TRPM3: variants seen among roughly 807,000 people sequenced by gnomAD.
TRPM3 encodes long transient receptor potential channel 3.
Under a neutral mutation model 181.2 loss-of-function variants are expected in TRPM3, and 77 were observed. That is an observed-to-expected ratio of 0.42 (90% CI 0.35 to 0.51). TRPM3 has a LOEUF of 0.51. TRPM3 is among the 20% of genes least tolerant of loss of function. The probability of loss-of-function intolerance (pLI) is 0.01; values close to 1 mark genes in which losing one functional copy is unlikely to be tolerated. For missense variants in TRPM3, 1,759 were observed against 2,196.7 expected (o/e 0.80, Z 3.98); for synonymous variants, 745 against 796.4 (o/e 0.94, Z 1.09).
chr9:70,635,458 A>C (rs556647755), intron 11 of TRPM3, among the ~76,000 whole-genome samples, 197 bp from the exon 12 acceptor site: 1 of 116,298 alleles, frequency 8.6e-6, no homozygotes, highest in East Asian at 2.8e-4. Flanking sequence ...AAGCTTTGTC[A>C]GTGATTTTTT....
At chr9:71,087,220 C>T (rs189756805) in intron 1 of TRPM3, among the ~76,000 whole-genome samples, 3 of 152,120 alleles carry the variant, frequency 2.0e-5, no homozygotes, top group Admixed American at 2.0e-4. Context: ...CCCATCTATG[C>T]CCATAGAATA....
chr9:71,153,018 C>A (rs928947259), intron 1 of TRPM3, among the ~76,000 whole-genome samples: 16 of 152,066 alleles, frequency 1.1e-4, no homozygotes, highest in Admixed American at 7.9e-4. Context: ...CAATGGCTGT[C>A]ATGCCATTAC....
chr9:71,006,297 C>CAA, intron 1 of TRPM3, among the ~76,000 whole-genome samples: 1 of 151,816 alleles, frequency 6.6e-6, no homozygotes, highest in African/African-American at 2.4e-5. Flanking sequence ...CTACAAAACA[C>CAA]CATAAAGCAA....
At chr9:71,331,077 G>A (rs2090074435) in intron 1 of TRPM3, among the ~76,000 whole-genome samples, 1 of 151,784 alleles carries the variant, frequency 6.6e-6, no homozygotes, top group Non-Finnish European at 1.5e-5. Context: ...TCCAGAGTAG[G>A]TAACATAATT....
intron 6 of TRPM3, among the ~76,000 whole-genome samples, chr9:70,817,294 T>G (rs976158983): frequency 6.6e-6 from 1 of 152,188 alleles, no homozygotes; most frequent in African/African-American, 2.4e-5. Flanking sequence ...GGGCAGGGCC[T>G]CCCCTTGCTC....
intron 1 of TRPM3, among the ~76,000 whole-genome samples, chr9:71,344,386 G>A (rs979305038): frequency 1.3e-5 from 2 of 152,090 alleles, no homozygotes; most frequent in Non-Finnish European, 2.9e-5. Flanking sequence ...AGGAGGTGGA[G>A]GTTGCAGTGA....
intron 1 of TRPM3, among the ~76,000 whole-genome samples, chr9:71,416,465 A>G (rs1294529778): frequency 6.6e-6 from 1 of 151,964 alleles, no homozygotes; most frequent in Non-Finnish European, 1.5e-5. Flanking sequence ...TTCCATAATT[A>G]AAATAAGATA....
intron 6 of TRPM3, among the ~76,000 whole-genome samples, chr9:70,796,602 A>G (rs776766219): frequency 6.6e-6 from 1 of 152,222 alleles, no homozygotes; most frequent in Non-Finnish European, 1.5e-5. Flanking sequence ...CATCCTTTAT[A>G]AATTTGTCAA....
At chr9:71,131,080 C>T (rs1182099979) in intron 1 of TRPM3, among the ~76,000 whole-genome samples, 2 of 152,194 alleles carry the variant, frequency 1.3e-5, no homozygotes, top group African/African-American at 4.8e-5. Flanking sequence ...CCGAACTCCT[C>T]GTTTTTGATA....
chr9:71,397,784 G>A (rs2093236349), intron 1 of TRPM3, among the ~76,000 whole-genome samples: 2 of 85,414 alleles, frequency 2.3e-5, no homozygotes, highest in African/African-American at 9.1e-5. Context: ...AGAAAAAGAT[G>A]AAGAGTCTAC....
intron 1 of TRPM3, among the ~76,000 whole-genome samples, chr9:71,441,237 T>TTC (rs2094132456): frequency 6.6e-6 from 1 of 151,974 alleles, no homozygotes; most frequent in Non-Finnish European, 1.5e-5. Flanking sequence ...CTTTTTTTTT[T>TTC]CACACACAAA....
At chr9:71,440,106 C>T (rs1563934325) in intron 1 of TRPM3, among the ~76,000 whole-genome samples, 1 of 151,912 alleles carries the variant, frequency 6.6e-6, no homozygotes, top group Non-Finnish European at 1.5e-5. Flanking sequence ...CTGGGTGACA[C>T]AATGAGACTC....
chr9:71,225,127 G>C (rs1236956704), intron 1 of TRPM3, among the ~76,000 whole-genome samples: 6 of 152,006 alleles, frequency 3.9e-5, no homozygotes, highest in Non-Finnish European at 8.8e-5. Flanking sequence ...GAGTGTTACA[G>C]AACACTAAGC....
intron 1 of TRPM3, among the ~76,000 whole-genome samples, chr9:71,025,848 C>T (rs2097891720): frequency 6.6e-6 from 1 of 152,194 alleles, no homozygotes. Flanking sequence ...CTGGTGAACT[C>T]AGAGGAAAGG....
intron 8 of TRPM3, among the ~76,000 whole-genome samples, chr9:70,752,049 T>TGTGTGTGCGCGCGC (rs1273744922): frequency 1.7e-5 from 2 of 116,346 alleles, no homozygotes; most frequent in South Asian, 2.9e-4. Context: ...TGTGTGTGTG[T>TGTGTGTGCGCGCGC]GCGCGCGCGC....
chr9:70,568,165 C>A (rs2051147731), intron 22 of TRPM3, among the ~76,000 whole-genome samples: 1 of 152,212 alleles, frequency 6.6e-6, no homozygotes, highest in Non-Finnish European at 1.5e-5. Flanking sequence ...TAATTGTTCA[C>A]TGGGGCCACA....
chr9:71,002,580 T>C (rs2097619543), intron 1 of TRPM3, among the ~76,000 whole-genome samples: 1 of 152,224 alleles, frequency 6.6e-6, no homozygotes, highest in African/African-American at 2.4e-5. Flanking sequence ...GTCTACTTTC[T>C]AGTAACACCC....
At chr9:70,767,751 A>C (rs903527102) in intron 7 of TRPM3, among the ~76,000 whole-genome samples, 1 of 152,058 alleles carries the variant, frequency 6.6e-6, no homozygotes, top group Non-Finnish European at 1.5e-5. Flanking sequence ...TGGCTAAAAG[A>C]GCTGAGGGTT....
rs181023206 is a variant in TRPM3 at position 70,651,775 on chromosome 9, T to C, written c.1346-11115A>G. 1.3e-3 allele frequency among the ~76,000 whole-genome samples: 191 copies of C among 152,320 alleles called. 2 individuals carry two copies. In the Middle Eastern group the frequency reaches 0.02, roughly 16 times the overall value. Reference sequence around the variant, plus strand: ...TGATTGTTTTTCTTTCTTTCTTTTTTCTTTACTATTTCTTGAAGCTTTCTA... The same window carrying C: ...TGATTGTTTTTCTTTCTTTCTTTTTCCTTTACTATTTCTTGAAGCTTTCTA... On this transcript the variant is annotated intron_variant, in intron 9 of 25. Coordinates refer to ENST00000677713, the MANE Select transcript of TRPM3 (RefSeq NM_001366145.2).
Sources: gnomAD v4.1 joint callset for allele counts (sites outside exome capture counted in the v4.1 genomes callset) on GRCh38, gnomAD v4.1.1 for gene constraint, MANE v1.5 for transcripts, NCBI Gene and HGNC (gene_info 2026-07-23, HGNC 2026-07-21) for gene names.